Variants in PLEKHG1 observed in about 807,000 individuals in gnomAD.
The protein encoded by PLEKHG1 is pleckstrin homology domain-containing family G member 1.
In PLEKHG1, 44 loss-of-function variants were observed where a neutral mutation model predicts 100.8. That is an observed-to-expected ratio of 0.44 (90% CI 0.34 to 0.56). PLEKHG1 has a LOEUF of 0.56. PLEKHG1 is among the 20% of genes least tolerant of loss of function. PLEKHG1 has a pLI of 0.01. For synonymous variants in PLEKHG1, 640 were observed against 662.5 expected (o/e 0.97, Z 0.52); for missense variants, 1,545 against 1,720.9 (o/e 0.90, Z 1.81).
chr6:150,780,965 C>T (rs528687810), intron 3 of PLEKHG1, among the ~76,000 whole-genome samples: 1 of 151,898 alleles, frequency 6.6e-6, no homozygotes, highest in East Asian at 2.0e-4. Flanking sequence ...CCTCTTCCTC[C>T]CGGGTTCAAG....
intron 3 of PLEKHG1, among the ~76,000 whole-genome samples, chr6:150,700,920 G>A (rs903096072): frequency 6.6e-6 from 1 of 150,620 alleles, no homozygotes; most frequent in South Asian, 2.1e-4. Flanking sequence ...CGGAAACTTT[G>A]AGGATGGGGG....
intron 6 of PLEKHG1, among the ~76,000 whole-genome samples, chr6:150,801,157 C>T (rs916541109): frequency 2.0e-5 from 3 of 152,088 alleles, no homozygotes; most frequent in Non-Finnish European, 2.9e-5. Context: ...AGCTATCATG[C>T]GAATGAAAAA....
chr6:150,785,538 T>TA (rs1465250821), intron 3 of PLEKHG1, among the ~76,000 whole-genome samples: 1 of 152,158 alleles, frequency 6.6e-6, no homozygotes, highest in East Asian at 1.9e-4. Flanking sequence ...ATACTCCTAG[T>TA]AAAAAAATAA....
intron 3 of PLEKHG1, among the ~76,000 whole-genome samples, chr6:150,670,728 G>A (rs1456224738): frequency 1.3e-5 from 2 of 152,186 alleles, no homozygotes; most frequent in South Asian, 4.2e-4. Context: ...TTGGCTGAGG[G>A]AAATGACATA....
chr6:150,779,984 C>T (rs752255184), intron 3 of PLEKHG1, among the ~76,000 whole-genome samples: 8 of 151,086 alleles, frequency 5.3e-5, no homozygotes, highest in Non-Finnish European at 1.0e-4. Flanking sequence ...AAAGAAATAA[C>T]ATGATGGAGT....
intron 3 of PLEKHG1, among the ~76,000 whole-genome samples, chr6:150,651,443 A>G (rs1191160399): frequency 1.3e-5 from 2 of 151,966 alleles, no homozygotes; most frequent in Non-Finnish European, 2.9e-5. Context: ...CACGTTGGCC[A>G]GGCTGGTCAT....
intron 2 of PLEKHG1, among the ~76,000 whole-genome samples, chr6:150,755,791 A>G (rs1214451256): frequency 2.6e-5 from 4 of 152,220 alleles, no homozygotes; most frequent in African/African-American, 7.2e-5. Flanking sequence ...TTCATGTTGC[A>G]TCCGGCAGTG....
At chr6:150,635,267 CTG>C (rs1254681044) in intron 1 of PLEKHG1, among the ~76,000 whole-genome samples, 1 of 151,954 alleles carries the variant, frequency 6.6e-6, no homozygotes, top group African/African-American at 2.4e-5. Context: ...GTTGTGGAGA[CTG>C]TGCTGCAAAT....
chr6:150,790,022 A>AC (rs1554274019), intron 4 of PLEKHG1, among the ~76,000 whole-genome samples: 12 of 151,162 alleles, frequency 7.9e-5, no homozygotes, highest in Non-Finnish European at 1.5e-5. Flanking sequence ...AAATTGAAAT[A>AC]TTTTTTTTTC....
chr6:150,737,978 T>A (rs1303522927), intron 2 of PLEKHG1, among the ~76,000 whole-genome samples: 2 of 151,744 alleles, frequency 1.3e-5, no homozygotes, highest in Non-Finnish European at 2.9e-5. Context: ...TAAGTTTTTT[T>A]TTTTTTTTTA....
At chr6:150,626,253 A>G (rs1777505287) in intron 1 of PLEKHG1, among the ~76,000 whole-genome samples, 1 of 152,132 alleles carries the variant, frequency 6.6e-6, no homozygotes, top group Non-Finnish European at 1.5e-5. Context: ...TGTTTCCGTT[A>G]AGGAATAGAG....
At chr6:150,730,911 A>T (rs577522724) in intron 1 of PLEKHG1, among the ~76,000 whole-genome samples, 1 of 152,126 alleles carries the variant, frequency 6.6e-6, no homozygotes, top group South Asian at 2.1e-4. Flanking sequence ...CAAAAAAAAA[A>T]AAAGAACATA....
chr6:150,816,326 C>CTGTTT (rs1775950224), intron 10 of PLEKHG1, among the ~76,000 whole-genome samples: 1 of 41,106 alleles, frequency 2.4e-5, no homozygotes, highest in Admixed American at 4.5e-4. Context: ...CTCAAACATA[C>CTGTTT]TTTTTTTTTT....
chr6:150,696,957 A>G (rs1195718246), intron 3 of PLEKHG1, among the ~76,000 whole-genome samples: 2 of 152,004 alleles, frequency 1.3e-5, no homozygotes, highest in African/African-American at 4.8e-5. Flanking sequence ...AAAATACAAA[A>G]ACAGTGGCAT....
chr6:150,725,242 C>G (rs995493084), intron 1 of PLEKHG1, among the ~76,000 whole-genome samples: 1 of 152,158 alleles, frequency 6.6e-6, no homozygotes, highest in African/African-American at 2.4e-5. Flanking sequence ...GGGCATTAAT[C>G]TCATTCATGA....
intron 3 of PLEKHG1, among the ~76,000 whole-genome samples, chr6:150,681,964 A>G (rs1779950834): frequency 6.6e-6 from 1 of 152,174 alleles, no homozygotes; most frequent in Admixed American, 6.5e-5. Context: ...GCTTTGCAAT[A>G]TGACTCCACC....
chr6:150,642,766 A>T (rs1030825568), intron 2 of PLEKHG1, among the ~76,000 whole-genome samples: 2 of 152,222 alleles, frequency 1.3e-5, no homozygotes, highest in African/African-American at 4.8e-5. Context: ...CTCAACTAAA[A>T]GCATTGATAA....
At chr6:150,603,076 T>C (rs1179944558) in intron 1 of PLEKHG1, among the ~76,000 whole-genome samples, 2 of 22,114 alleles carry the variant, frequency 9.0e-5, no homozygotes, top group East Asian at 3.0e-3. Flanking sequence ...CGAGACTCCG[T>C]CTCAAAAAAA....
intron 3 of PLEKHG1, among the ~76,000 whole-genome samples, chr6:150,685,697 T>C (rs930314214): frequency 6.6e-6 from 1 of 152,240 alleles, no homozygotes; most frequent in African/African-American, 2.4e-5. Context: ...AAAATGAATA[T>C]GTAAGGTGTG....
Sources: allele counts gnomAD v4.1 joint callset (sites outside exome capture counted in the v4.1 genomes callset), GRCh38; gene constraint gnomAD v4.1.1; transcripts MANE v1.5; gene names NCBI Gene and HGNC (gene_info 2026-07-23, HGNC 2026-07-21).